Variants in TRNT1 observed in about 807,000 individuals in gnomAD.
The protein encoded by TRNT1 is CCA tRNA nucleotidyltransferase 1, mitochondrial.
TRNT1 carries 44 observed loss-of-function variants against 45.6 expected under a neutral mutation model. The observed-to-expected ratio is 0.97, with a 90% CI of 0.76 to 1.24. The LOEUF (loss-of-function observed/expected upper bound fraction) is 1.24, where lower values mean the gene tolerates loss of function less well. Ranked by LOEUF, TRNT1 falls within the 50% of genes most tolerant of loss-of-function variation. The pLI is 0.00. For missense variants in TRNT1, 633 were observed against 504.4 expected (o/e 1.25, Z -2.44); for synonymous variants, 201 against 171.4 (o/e 1.17, Z -1.35).
chr3:3,133,064 T>C (rs988480608), intron 2 of TRNT1, among the ~76,000 whole-genome samples: 6 of 152,208 alleles, frequency 3.9e-5, no homozygotes, highest in Non-Finnish European at 8.8e-5. Flanking sequence ...TATATAGTGA[T>C]ACTTGGAGTT....
downstream of TRNT1, chr3:3,153,130 C>T: frequency 2.8e-6 from 1 of 358,862 alleles, no homozygotes; most frequent in East Asian, 6.3e-5. Context: ...ATGTTAGGGC[C>T]TAATTGAAGA....
In TRNT1 at chr3:3,148,604, A is replaced by AAAAG. The variant is rs1290317090; in HGVS notation, c.*454_*457dup. 1 of 152,826 alleles carries AAAAG rather than the reference A, an allele frequency of 6.5e-6. No individual in the cohort carries two copies. The highest frequency in any genetic ancestry group is 1.5e-5 in the Non-Finnish European group (1 of 68,498). 9.5% of individuals were successfully genotyped at this position (152,826 alleles called of 1,614,324 possible). On this transcript the variant is annotated 3_prime_UTR_variant, in exon 8 of 8. Transcript: ENST00000251607. ...AATTCCAAAATAAACCTGTGCTTAAAAAAGAAATAATTGACCAAGTAAGTT... is the reference window on the plus strand; with the variant it reads ...AATTCCAAAATAAACCTGTGCTTAAAAAAGAAAGAAATAATTGACCAAGTAAGTT...
At chr3:3,127,210 C>G (rs74957838) in intron 1 of TRNT1, 1 of 152,318 alleles carries the variant, frequency 6.6e-6, no homozygotes, top group East Asian at 1.9e-4. Flanking sequence ...TCCTTGGCTT[C>G]CCTCAGCACT....
At chr3:3,149,631 A>C (rs1439186338), downstream of TRNT1, 1 of 152,122 alleles carries the variant, frequency 6.6e-6, no homozygotes, top group Non-Finnish European at 1.5e-5. Flanking sequence ...AGACCAGTGA[A>C]GTCACACAAA....
chr3:3,129,574 C>T (rs545453418), intron 2 of TRNT1: 54 of 444,608 alleles, frequency 1.2e-4, no homozygotes, highest in Middle Eastern at 1.3e-3. Flanking sequence ...AGAGTGAGAC[C>T]CTGTCTCAAA....
intron 6 of TRNT1, among the ~76,000 whole-genome samples, chr3:3,146,972 A>C (rs112553410): frequency 6.6e-6 from 1 of 152,236 alleles, no homozygotes; most frequent in Non-Finnish European, 1.5e-5. Flanking sequence ...GTGAGTTAAT[A>C]CATGTAAAGC....
chr3:3,140,692 CCTT>C (rs1705595736), intron 4 of TRNT1, 44 bp downstream of exon 4: 2 of 1,583,066 alleles, frequency 1.3e-6, no homozygotes, highest in South Asian at 1.1e-5. Flanking sequence ...TATCAGAATG[CCTT>C]CTTTTCAAGT....
chr3:3,152,587 A>G, downstream of TRNT1: 25 of 1,614,098 alleles, frequency 1.5e-5, no homozygotes, highest in Non-Finnish European at 2.1e-5. Context: ...ATAAGGATAA[A>G]CTAAAACAAA....
chr3:3,144,851 A>C (rs1705887857), intron 5 of TRNT1, 141 bp downstream of exon 5: 1 of 726,836 alleles, frequency 1.4e-6, no homozygotes, highest in Non-Finnish European at 1.9e-6. Flanking sequence ...CTAGCACCCT[A>C]TGACTTATGA....
intron 3 of TRNT1, among the ~76,000 whole-genome samples, chr3:3,138,731 G>A (rs1705470929): frequency 1.3e-5 from 2 of 152,160 alleles, no homozygotes; most frequent in South Asian, 4.1e-4. Context: ...AGAATTTCAA[G>A]AGGTCTTTCT....
intron 5 of TRNT1, chr3:3,145,244 C>G (rs974498045): frequency 6.6e-6 from 1 of 152,390 alleles, no homozygotes; most frequent in Admixed American, 6.5e-5. Flanking sequence ...GTGGCTCACA[C>G]CTGTAATCCC....
Position 3,138,571 on chromosome 3 carries a change from C to T in TRNT1, c.342+1118C>T, listed in dbSNP as rs548323574. ...TGTTAAATGCTTTTTCCTTTGGAAACTCTTATTATTTGGATCCTGGATTGC... is the reference window on the plus strand; with the variant it reads ...TGTTAAATGCTTTTTCCTTTGGAAATTCTTATTATTTGGATCCTGGATTGC... On this transcript the variant is annotated intron_variant, in intron 3 of 7. Transcript: ENST00000251607. Among the ~76,000 whole-genome samples, 5 of 151,992 alleles carry T rather than the reference C, an allele frequency of 3.3e-5. No homozygotes were observed. In the South Asian group the frequency reaches 1.0e-3, roughly 32 times the overall value.
At chr3:3,150,205 G>C (rs914238846), downstream of TRNT1, 4 of 152,246 alleles carry the variant, frequency 2.6e-5, no homozygotes, top group Non-Finnish European at 5.9e-5. Flanking sequence ...TTATAGTTCA[G>C]ATACTGAGCA....
chr3:3,134,668 G>A (rs1423147344), intron 2 of TRNT1, among the ~76,000 whole-genome samples: 3 of 151,854 alleles, frequency 2.0e-5, no homozygotes, highest in Non-Finnish European at 2.9e-5. Flanking sequence ...ACTTGATACC[G>A]TTTTAAGAAA....
rs75760986 is a variant in TRNT1, at chr3:3,147,025, C to T, written c.802+402C>T. ...TTGTACACAGAAATTGTTCAGTAAA[C>T]GTTGTAATTCATTTTCACAGAGAAT... On this transcript the variant is annotated intron_variant, in intron 6 of 7. Coordinates refer to ENST00000251607, the MANE Select transcript of TRNT1 (RefSeq NM_182916.3). Among the ~76,000 whole-genome samples, 138 of 152,248 alleles carry T rather than the reference C, an allele frequency of 9.1e-4. 4 individuals are homozygous for T. The East Asian group carries it at 0.024, about 26-fold the overall frequency.
At chr3:3,140,404 G>T (rs564351372) in intron 3 of TRNT1, 106 bp from the exon 4 acceptor site, 5 of 1,059,416 alleles carry the variant, frequency 4.7e-6, no homozygotes, top group African/African-American at 1.6e-5. Flanking sequence ...AACTGTCAGG[G>T]CTTATAGTAC....
At chr3:3,140,093 C>G (rs528282730) in intron 3 of TRNT1, among the ~76,000 whole-genome samples, 1 of 152,278 alleles carries the variant, frequency 6.6e-6, no homozygotes, top group Admixed American at 6.5e-5. Context: ...TGTACTTATT[C>G]TTTATCAGTC....
chr3:3,140,958 T>A (rs540584587), intron 4 of TRNT1, among the ~76,000 whole-genome samples: 1 of 152,268 alleles, frequency 6.6e-6, no homozygotes, highest in South Asian at 2.1e-4. Context: ...GGCGGCTGCC[T>A]GTAGTCCCAG....
At position 3,147,909 on chromosome 3, in the gene TRNT1, A is replaced by G. The variant is rs778552013; in HGVS notation, c.1060A>G (p.Arg354Gly). The stretch of plus-strand genomic sequence containing the variant: ...AATGTTTGATTTTGACACGTAGTCT[A>G]GGGAACCTGATGCAACTACTCGTGT... ...KPYQDFIIDS[R>G]EPDATTRVCE... Residue 354 changes from arginine to glycine, a missense_variant, in exon 8 of 8, where the codon AGG becomes GGG. Physicochemically the swap from Arg to Gly is moderately radical, Grantham distance 125. Coordinates refer to ENST00000251607, the MANE Select transcript of TRNT1 (RefSeq NM_182916.3). 3 of 1,611,154 alleles carry G rather than the reference A, an allele frequency of 1.9e-6. No individual in the cohort carries two copies. The highest frequency in any genetic ancestry group is 1.1e-5 in the South Asian group (1 of 90,438).
Sources: gnomAD v4.1 joint callset for allele counts (sites outside exome capture counted in the v4.1 genomes callset) on GRCh38, gnomAD v4.1.1 for gene constraint, MANE v1.5 for transcripts, NCBI Gene and HGNC (gene_info 2026-07-23, HGNC 2026-07-21) for gene names.